RSPO4: variants seen among roughly 807,000 people sequenced by gnomAD.
The protein encoded by RSPO4 is R-spondin 4.
In RSPO4, 23 loss-of-function variants were observed where a neutral mutation model predicts 24.8. The ratio of observed to expected loss-of-function variants is 0.93; its 90% CI spans 0.67 to 1.31. The LOEUF (loss-of-function observed/expected upper bound fraction) is 1.31. Among genes scored for constraint, RSPO4 ranks in the 40% most tolerant of loss-of-function variants. RSPO4 has a pLI of 0.00. For synonymous variants in RSPO4, 141 were observed against 127.4 expected, an observed-to-expected ratio of 1.11 and a Z score of -0.72; for missense variants, 333 against 316.5, an observed-to-expected ratio of 1.05 and a Z score of -0.39.
intron 1 of RSPO4, among the ~76,000 whole-genome samples, chr20:987,185 CCTCT>C (rs1444756669): frequency 6.6e-6 from 1 of 152,174 alleles, no homozygotes; most frequent in Non-Finnish European, 1.5e-5. Flanking sequence ...GCCAGCTGGT[CCTCT>C]CTGTCTGGGC....
chr20:1,000,010 A>C (rs1985412602), intron 1 of RSPO4, among the ~76,000 whole-genome samples: 1 of 152,046 alleles, frequency 6.6e-6, no homozygotes. Flanking sequence ...CTGGAATTAC[A>C]GGCGCCCGCC....
At position 958,523 on chromosome 20, in the gene RSPO4, A is replaced by G. The variant is rs486347; in HGVS notation, c.*1834T>C. ...TAGGGTCTTGAAACAATAACAACGGAGCATTTCAGAGGCACAAACGTTTGC... is the reference window on the plus strand; with the variant it reads ...TAGGGTCTTGAAACAATAACAACGGGGCATTTCAGAGGCACAAACGTTTGC... On this transcript the variant is annotated 3_prime_UTR_variant, in exon 5 of 5. Coordinates refer to ENST00000217260, the MANE Select transcript of RSPO4 (RefSeq NM_001029871.4). 13,305 of 152,038 alleles carry G rather than the reference A, an allele frequency of 0.088. 861 individuals are homozygous for G. Among genetic ancestry groups the G allele is most frequent in the African/African-American group, 0.19 (7,681 of 41,406 alleles). The allele number at this position is 152,038 out of a possible 1,614,324, so 9.4% of individuals were successfully genotyped here.
intron 1 of RSPO4, among the ~76,000 whole-genome samples, chr20:979,771 G>A (rs1984680573): frequency 6.6e-6 from 1 of 152,084 alleles, no homozygotes; most frequent in Admixed American, 6.6e-5. Context: ...CTGCATTTGG[G>A]GTCGCTTTAT....
intron 1 of RSPO4, among the ~76,000 whole-genome samples, chr20:986,966 G>C (rs895524194): frequency 6.6e-6 from 1 of 152,130 alleles, no homozygotes; most frequent in Non-Finnish European, 1.5e-5. Context: ...TACAAGATAC[G>C]GAAACTGTAA....
chr20:1,001,150 A>G (rs1985448948), intron 1 of RSPO4, among the ~76,000 whole-genome samples: 1 of 152,174 alleles, frequency 6.6e-6, no homozygotes, highest in African/African-American at 2.4e-5. Context: ...TCATGAGCAT[A>G]TAGTTGGGAT....
chr20:1,002,073 C>A lies in RSPO4; in HGVS notation c.79+13G>T, dbSNP rs1356731505. ...GCGCCTGCCCGGCCGCCCTGCCCAG[C>A]CACCCCTTGTACCTTGCTTCTTCCT... On this transcript the variant is annotated intron_variant, in intron 1 of 4. Coordinates refer to ENST00000217260, the MANE Select transcript of RSPO4 (RefSeq NM_001029871.4). The surrounding 1 kb of genome is among the most constrained non-coding windows in gnomAD (Gnocchi z 4.6). 2 of 1,549,872 alleles carry A rather than the reference C, an allele frequency of 1.3e-6. No homozygotes were observed. Among genetic ancestry groups the A allele is most frequent in the Non-Finnish European group, 1.7e-6 (2 of 1,146,190 alleles).
intron 1 of RSPO4, 145 bp from the exon 2 acceptor site, chr20:968,283 TA>T (rs1984295737): frequency 1.4e-6 from 1 of 697,288 alleles, no homozygotes; most frequent in African/African-American, 1.8e-5. Flanking sequence ...CACCTTCCCT[TA>T]CAACTAGATA....
At chr20:984,602 GC>G (rs1452957162) in intron 1 of RSPO4, among the ~76,000 whole-genome samples, 5 of 152,162 alleles carry the variant, frequency 3.3e-5, no homozygotes, top group Middle Eastern at 3.2e-3. Context: ...CATGCTCCTT[GC>G]CCAGTAATCA....
chr20:975,536 C>T (rs1186186014), intron 1 of RSPO4, among the ~76,000 whole-genome samples: 2 of 152,188 alleles, frequency 1.3e-5, no homozygotes, highest in Non-Finnish European at 2.9e-5. Flanking sequence ...CTCCATGTTT[C>T]CCCAAGCACC....
intron 1 of RSPO4, among the ~76,000 whole-genome samples, chr20:969,779 C>G (rs1001528355): frequency 1.3e-5 from 2 of 152,034 alleles, no homozygotes; most frequent in Non-Finnish European, 2.9e-5. Flanking sequence ...CAGAAAATGA[C>G]CAGGTGTCAC....
At chr20:1,000,497 T>C (rs1985428019) in intron 1 of RSPO4, among the ~76,000 whole-genome samples, 1 of 152,192 alleles carries the variant, frequency 6.6e-6, no homozygotes, top group South Asian at 2.1e-4. Flanking sequence ...ATCCTCCTTA[T>C]GAGCAGGATA....
intron 1 of RSPO4, among the ~76,000 whole-genome samples, chr20:993,225 A>G (rs954797247): frequency 5.3e-5 from 8 of 152,334 alleles, no homozygotes; most frequent in South Asian, 4.1e-4. Flanking sequence ...CAGAGCCCCC[A>G]CTATGGGCCA....
chr20:974,513 G>C (rs892302441), intron 1 of RSPO4, among the ~76,000 whole-genome samples: 1 of 152,222 alleles, frequency 6.6e-6, no homozygotes, highest in African/African-American at 2.4e-5. Flanking sequence ...ATTGAGGTTC[G>C]TGTGCTGCCA....
In RSPO4 at chr20:1,002,188, C is replaced by T; in HGVS notation, c.-24G>A. The T allele has an allele frequency of 6.6e-7, 1 of 1,510,136 alleles. No homozygotes were observed. Among genetic ancestry groups the T allele is most frequent in the Non-Finnish European group, 8.8e-7 (1 of 1,130,242 alleles). The allele number at this position is 1,510,136 out of a possible 1,614,324, so 93.5% of individuals were successfully genotyped here. A position where few individuals can be genotyped will look rare whatever the true frequency, so the allele number is the denominator to read the frequency against. On this transcript the variant is annotated 5_prime_UTR_variant, in exon 1 of 5. Transcript: ENST00000217260. This position sits in a 1 kb window ranked among gnomAD's most constrained non-coding sequence, Gnocchi z 4.6. ...ATCTGGGCAGCCGGATCCGGGCTGG[C>T]GCTCCCCAGGCGGCCCGACGGCCCA...
intron 4 of RSPO4, among the ~76,000 whole-genome samples, 190 bp downstream of exon 4, chr20:963,745 T>C (rs1984080163): frequency 6.6e-6 from 1 of 152,204 alleles, no homozygotes; most frequent in South Asian, 2.1e-4. Flanking sequence ...TATTTGGGAC[T>C]GAACCCAGCA....
intron 1 of RSPO4, among the ~76,000 whole-genome samples, chr20:1,001,419 G>C (rs1277501047): frequency 6.6e-6 from 1 of 152,186 alleles, no homozygotes; most frequent in Non-Finnish European, 1.5e-5. Flanking sequence ...AGCGCATGCG[G>C]CCCCTGGTAC....
At chr20:975,109 A>G (rs1177111052) in intron 1 of RSPO4, among the ~76,000 whole-genome samples, 1 of 152,150 alleles carries the variant, frequency 6.6e-6, no homozygotes. Context: ...AAATTACAAT[A>G]AAAATGGATG....
intron 1 of RSPO4, among the ~76,000 whole-genome samples, chr20:990,601 G>C (rs1985069475): frequency 6.6e-6 from 1 of 151,288 alleles, no homozygotes; most frequent in South Asian, 2.1e-4. Context: ...CCTGGGGTGG[G>C]GAGTTGTTGA....
intron 1 of RSPO4, among the ~76,000 whole-genome samples, chr20:997,113 G>A (rs1307614172): frequency 6.6e-6 from 1 of 152,178 alleles, no homozygotes; most frequent in Non-Finnish European, 1.5e-5. Flanking sequence ...TCCCGTGTCT[G>A]GGAAATAGGC....
Sources: allele counts gnomAD v4.1 joint callset (sites outside exome capture counted in the v4.1 genomes callset), GRCh38; gene constraint gnomAD v4.1.1; non-coding constraint Gnocchi (gnomAD v3.1); transcripts MANE v1.5; gene names NCBI Gene and HGNC (gene_info 2026-07-23, HGNC 2026-07-21).